BMPR1B: variants seen among roughly 807,000 people sequenced by gnomAD.
BMPR1B encodes the protein bone morphogenetic protein receptor type 1B, also known as bone morphogenetic protein receptor type-1B.
Under a neutral mutation model 59.1 loss-of-function variants are expected in BMPR1B, and 12 were observed. That is an observed-to-expected ratio of 0.20 (90% CI 0.13 to 0.33). The LOEUF (loss-of-function observed/expected upper bound fraction) is 0.33, where lower values mean the gene tolerates loss of function less well. Ranked by LOEUF, BMPR1B falls within the 10% of genes least tolerant of loss-of-function variation. The pLI is 1.00. For synonymous variants in BMPR1B, 237 were observed against 207.3 expected (o/e 1.14, Z -1.23); for missense variants, 550 against 610.9 (o/e 0.90, Z 1.05).
intron 1 of BMPR1B, among the ~76,000 whole-genome samples, chr4:94,811,079 A>G (rs1236474244): frequency 6.6e-6 from 1 of 152,218 alleles, no homozygotes; most frequent in Admixed American, 6.5e-5. Flanking sequence ...CAGTGACTAT[A>G]TTTGGTCATG....
chr4:95,051,564 G>T (rs1726502561), intron 3 of BMPR1B: 4 of 739,238 alleles, frequency 5.4e-6, no homozygotes, highest in Non-Finnish European at 8.9e-6. Context: ...GTCTTTCACG[G>T]TCCTGTCTCA....
Position 95,156,516 on chromosome 4 carries a change from C to G in BMPR1B, c.*1843C>G, listed in dbSNP as rs777675339. On this transcript the variant is annotated 3_prime_UTR_variant, in exon 13 of 13. Coordinates refer to ENST00000515059, the MANE Select transcript of BMPR1B (RefSeq NM_001203.3). ...TGTTCATCCAGAAAACATTCTAAAG[C>G]AATGAGACTTTGTGAGCTGTGCTTA... The G allele has an allele frequency of 1.3e-5, 2 of 152,030 alleles. No individual in the cohort carries two copies. Among genetic ancestry groups the G allele is most frequent in the Non-Finnish European group, 2.9e-5 (2 of 68,000 alleles). 9.4% of individuals were successfully genotyped at this position (152,030 alleles called of 1,614,324 possible).
At chr4:95,152,406 G>A (rs1326458270) in intron 11 of BMPR1B, among the ~76,000 whole-genome samples, 6 of 152,094 alleles carry the variant, frequency 3.9e-5, no homozygotes, top group African/African-American at 1.4e-4. Context: ...TTGGAAATTA[G>A]GAAAGAAAGG....
intron 2 of BMPR1B, among the ~76,000 whole-genome samples, chr4:94,964,181 C>T (rs772165010): frequency 2.0e-5 from 3 of 152,042 alleles, no homozygotes; most frequent in Non-Finnish European, 4.4e-5. Flanking sequence ...ATTTTGTATC[C>T]TGCAACTTTA....
chr4:94,909,035 T>TCTGGTAGCTC (rs1167939982), intron 2 of BMPR1B, among the ~76,000 whole-genome samples: 1 of 152,044 alleles, frequency 6.6e-6, no homozygotes, highest in Non-Finnish European at 1.5e-5. Context: ...TTTCCCAGCT[T>TCTGGTAGCTC]CTGGTAGCTC....
intron 2 of BMPR1B, among the ~76,000 whole-genome samples, chr4:94,897,867 C>T (rs1727644070): frequency 6.8e-6 from 1 of 147,356 alleles, no homozygotes; most frequent in Non-Finnish European, 1.5e-5. Context: ...AGTATTGGTT[C>T]TTAGCAACAA....
At chr4:94,897,733 G>A (rs1727639544) in intron 2 of BMPR1B, among the ~76,000 whole-genome samples, 1 of 151,712 alleles carries the variant, frequency 6.6e-6, no homozygotes, top group Non-Finnish European at 1.5e-5. Flanking sequence ...GACATACTGT[G>A]GCTTACTTAG....
chr4:94,790,537 C>T (rs34715090), intron 1 of BMPR1B, among the ~76,000 whole-genome samples: 60,020 of 151,904 alleles, frequency 0.4, 13,351 homozygotes, highest in East Asian at 0.67. Context: ...TTCTCAGCCC[C>T]GCCTAGATCT....
Position 95,157,264 on chromosome 4 carries a change from G to A in BMPR1B, c.*2591G>A, listed in dbSNP as rs1352226714. The A allele has an allele frequency of 6.6e-6, 1 of 152,022 alleles. No homozygotes were observed. Among genetic ancestry groups the A allele is most frequent in the Non-Finnish European group, 1.5e-5 (1 of 67,976 alleles). 9.4% of individuals were successfully genotyped at this position (152,022 alleles called of 1,614,324 possible). A position where few individuals can be genotyped will look rare whatever the true frequency, so the allele number is the denominator to read the frequency against. ...TAAAAAGACCCACTTAGCGATTATA[G>A]TTGCTCAATGAAACAAGAATTTATT... is the stretch of plus-strand genomic sequence containing the variant. On this transcript the variant is annotated 3_prime_UTR_variant, in exon 13 of 13. Transcript: ENST00000515059.
At chr4:95,020,461 C>T (rs773857195) in intron 3 of BMPR1B, among the ~76,000 whole-genome samples, 10 of 151,924 alleles carry the variant, frequency 6.6e-5, no homozygotes, top group Non-Finnish European at 1.3e-4. Flanking sequence ...TGCCTGTAGT[C>T]CCAAGTACTC....
intron 2 of BMPR1B, among the ~76,000 whole-genome samples, chr4:94,988,857 T>C (rs1707286639): frequency 1.3e-5 from 2 of 151,514 alleles, no homozygotes; most frequent in Admixed American, 6.6e-5. Context: ...AAAAAGCCCC[T>C]TTTTTTTGGG....
In BMPR1B at chr4:95,051,723, C is replaced by T; in HGVS notation, c.-17-52685C>T. The T allele has an allele frequency of 1.3e-6, 2 of 1,535,640 alleles. 1 individual carries two copies. Among genetic ancestry groups the T allele is most frequent in the South Asian group, 2.4e-5 (2 of 84,062 alleles). ...CAATGGGTTGGCTGGAAGAACTAAACTGGCAGCTTCACATTTTCTTGCTCA... is the reference window on the plus strand; with the variant it reads ...CAATGGGTTGGCTGGAAGAACTAAATTGGCAGCTTCACATTTTCTTGCTCA... On this transcript the variant is annotated intron_variant, in intron 3 of 12. Transcript: ENST00000515059.
chr4:94,783,203 C>T (rs1215105776), intron 1 of BMPR1B, among the ~76,000 whole-genome samples: 1 of 152,196 alleles, frequency 6.6e-6, no homozygotes, highest in African/African-American at 2.4e-5. Context: ...TGACAGTGCT[C>T]CAGTCATAAC....
At chr4:95,151,489 A>G (rs1407833676) in intron 11 of BMPR1B, among the ~76,000 whole-genome samples, 1 of 152,188 alleles carries the variant, frequency 6.6e-6, no homozygotes, top group Non-Finnish European at 1.5e-5. Flanking sequence ...CTTATCTCAT[A>G]TGGAGGTAAA....
intron 1 of BMPR1B, among the ~76,000 whole-genome samples, chr4:94,821,436 C>A (rs1024641699): frequency 1.3e-5 from 2 of 151,868 alleles, no homozygotes; most frequent in Non-Finnish European, 1.5e-5. Flanking sequence ...ATGATATATG[C>A]ATATATTCTA....
At chr4:94,921,038 A>G (rs1414219363) in intron 2 of BMPR1B, among the ~76,000 whole-genome samples, 3 of 152,156 alleles carry the variant, frequency 2.0e-5, no homozygotes, top group African/African-American at 7.2e-5. Flanking sequence ...ATGTACCCAC[A>G]CTAATAAAAG....
chr4:94,988,716 A>G (rs1237404593), intron 2 of BMPR1B, among the ~76,000 whole-genome samples: 1 of 152,182 alleles, frequency 6.6e-6, no homozygotes, highest in Non-Finnish European at 1.5e-5. Context: ...TAAGGTTGGT[A>G]GACTTATGTA....
chr4:94,891,708 G>A (rs1027929241), intron 2 of BMPR1B, among the ~76,000 whole-genome samples: 2 of 152,040 alleles, frequency 1.3e-5, no homozygotes, highest in African/African-American at 4.8e-5. Flanking sequence ...ATGACTCCTA[G>A]AACATTGCAG....
At chr4:94,828,404 A>T (rs1341798897) in intron 1 of BMPR1B, among the ~76,000 whole-genome samples, 1 of 152,198 alleles carries the variant, frequency 6.6e-6, no homozygotes, top group Non-Finnish European at 1.5e-5. Flanking sequence ...TTTAAAGAAA[A>T]CACTTTTAAA....
Sources: gnomAD v4.1 joint callset for allele counts (sites outside exome capture counted in the v4.1 genomes callset) on GRCh38, gnomAD v4.1.1 for gene constraint, MANE v1.5 for transcripts, NCBI Gene and HGNC (gene_info 2026-07-23, HGNC 2026-07-21) for gene names.